SMYD3: variants seen among roughly 807,000 people sequenced by gnomAD.
The protein encoded by SMYD3 is histone-lysine N-methyltransferase SMYD3.
Under a neutral mutation model 57.7 loss-of-function variants are expected in SMYD3, and 36 were observed. That is an observed-to-expected ratio of 0.62 (90% CI 0.48 to 0.82). SMYD3 has a LOEUF of 0.82. Among genes scored for constraint, SMYD3 ranks in the 40% least tolerant of loss-of-function variants. SMYD3 has a pLI of 0.00. For synonymous variants in SMYD3, 211 were observed against 195.0 expected (o/e 1.08, Z -0.68); for missense variants, 515 against 538.8 (o/e 0.96, Z 0.44).
At chr1:246,041,377 C>T (rs1245955220) in intron 5 of SMYD3, among the ~76,000 whole-genome samples, 4 of 152,280 alleles carry the variant, frequency 2.6e-5, no homozygotes, top group South Asian at 2.1e-4. Context: ...CTCCTCAGTG[C>T]GGACTTCAAA....
intron 5 of SMYD3, among the ~76,000 whole-genome samples, chr1:246,124,969 G>A (rs1400426014): frequency 1.3e-5 from 2 of 152,066 alleles, no homozygotes; most frequent in Non-Finnish European, 2.9e-5. Context: ...CTACTGGGAA[G>A]GCTGAGGCAG....
At chr1:245,840,453 A>G (rs2050342705) in intron 10 of SMYD3, among the ~76,000 whole-genome samples, 1 of 152,204 alleles carries the variant, frequency 6.6e-6, no homozygotes, top group South Asian at 2.1e-4. Flanking sequence ...GAACAAGAGT[A>G]CTAAATCTCA....
intron 1 of SMYD3, among the ~76,000 whole-genome samples, chr1:246,472,602 G>C (rs1257137803): frequency 6.6e-6 from 1 of 151,714 alleles, no homozygotes; most frequent in Non-Finnish European, 1.5e-5. Context: ...AACTTAGCTG[G>C]GCATGCTGGC....
At position 245,934,723 on chromosome 1, in the gene SMYD3, C is replaced by T. The variant is rs189582354; in HGVS notation, c.532-4786G>A. Among the ~76,000 whole-genome samples, 192 of 151,938 alleles carry T rather than the reference C, an allele frequency of 1.3e-3. 2 individuals are homozygous for T. The highest frequency in any genetic ancestry group is 4.3e-3 in the African/African-American group (180 of 41,408). The stretch of plus-strand genomic sequence containing the variant: ...CCACAAAGTGTTACCGGAAGGTTTA[C>T]GAGAGTACAGGTGATTTCGGCATCT... On this transcript the variant is annotated intron_variant, in intron 5 of 11. Coordinates refer to ENST00000490107, the MANE Select transcript of SMYD3 (RefSeq NM_001167740.2).
chr1:245,758,922 G>T (rs78835529), intron 11 of SMYD3, among the ~76,000 whole-genome samples: 4,514 of 152,276 alleles, frequency 0.03, 191 homozygotes, highest in Admixed American at 0.11. Context: ...ATGAGACTCT[G>T]AATTTTACCT....
chr1:245,968,849 G>T (rs1375948694), intron 5 of SMYD3, among the ~76,000 whole-genome samples: 1 of 152,098 alleles, frequency 6.6e-6, no homozygotes, highest in Non-Finnish European at 1.5e-5. Flanking sequence ...TCTTTCTCCT[G>T]TGCCGTTCAT....
At chr1:246,290,406 T>C (rs2064666509) in intron 5 of SMYD3, among the ~76,000 whole-genome samples, 1 of 152,206 alleles carries the variant, frequency 6.6e-6, no homozygotes, top group South Asian at 2.1e-4. Flanking sequence ...AGATATATGG[T>C]TAATTTCTTA....
rs892228058 is a variant in SMYD3 at position 246,355,278 on chromosome 1, C to T, written c.165-184G>A. 3 of 578,138 alleles carry T rather than the reference C, an allele frequency of 5.2e-6. No individual in the cohort carries two copies. Among genetic ancestry groups the T allele is most frequent in the African/African-American group, 3.8e-5 (2 of 51,998 alleles). 35.8% of individuals were successfully genotyped at this position (578,138 alleles called of 1,614,324 possible). A position where few individuals can be genotyped will look rare whatever the true frequency, so the allele number is the denominator to read the frequency against. On this transcript the variant is annotated intron_variant, in intron 1 of 11. Coordinates refer to ENST00000490107, the MANE Select transcript of SMYD3 (RefSeq NM_001167740.2). The surrounding 1 kb of genome is among the most constrained non-coding windows in gnomAD (Gnocchi z 5.0). ...CCTCTTGAACCTTCCATGTGAGACACTGATAGAAAAACTAAGTCCTTTTGT... is the reference window on the plus strand; with the variant it reads ...CCTCTTGAACCTTCCATGTGAGACATTGATAGAAAAACTAAGTCCTTTTGT...
chr1:246,050,762 G>A (rs1473937961), intron 5 of SMYD3, among the ~76,000 whole-genome samples: 3 of 152,154 alleles, frequency 2.0e-5, no homozygotes, highest in African/African-American at 7.2e-5. Context: ...TAAACAAGCT[G>A]GGAGGTAGCG....
intron 1 of SMYD3, among the ~76,000 whole-genome samples, chr1:246,376,446 C>T (rs1336544281): frequency 6.6e-6 from 1 of 151,416 alleles, no homozygotes; most frequent in Non-Finnish European, 1.5e-5. Flanking sequence ...CAAAAATTAG[C>T]CAGGCGTGGT....
intron 3 of SMYD3, among the ~76,000 whole-genome samples, chr1:246,335,111 T>G (rs1262419849): frequency 1.3e-5 from 2 of 152,206 alleles, no homozygotes; most frequent in East Asian, 3.8e-4. Context: ...TAGAAATATA[T>G]TTTTTAATTA....
intron 1 of SMYD3, among the ~76,000 whole-genome samples, chr1:246,361,831 C>T (rs1453434603): frequency 2.0e-5 from 3 of 152,144 alleles, no homozygotes; most frequent in Admixed American, 6.5e-5. Context: ...AAAGACTACA[C>T]ATTGGGTACA....
intron 5 of SMYD3, among the ~76,000 whole-genome samples, chr1:245,948,052 C>T (rs144160745): frequency 4.6e-5 from 7 of 152,240 alleles, no homozygotes; most frequent in East Asian, 3.9e-4. Context: ...CCTGCCTAGC[C>T]GGTTTCGCCA....
intron 1 of SMYD3, among the ~76,000 whole-genome samples, chr1:246,500,458 C>A (rs1157150578): frequency 6.6e-6 from 1 of 152,176 alleles, no homozygotes; most frequent in Non-Finnish European, 1.5e-5. Flanking sequence ...GTATTACACA[C>A]AGGGAAGACA....
intron 1 of SMYD3, among the ~76,000 whole-genome samples, chr1:246,426,801 G>T (rs1160676642): frequency 1.3e-5 from 2 of 152,006 alleles, no homozygotes; most frequent in Non-Finnish European, 2.9e-5. Flanking sequence ...AAAATCATAT[G>T]TTTCTATATA....
chr1:246,231,665 A>C (rs1487105667), intron 5 of SMYD3, among the ~76,000 whole-genome samples: 1 of 152,170 alleles, frequency 6.6e-6, no homozygotes, highest in Non-Finnish European at 1.5e-5. Context: ...TACATTTCAA[A>C]ACTGCTTTAA....
At chr1:245,935,917 C>T (rs568995311) in intron 5 of SMYD3, among the ~76,000 whole-genome samples, 2 of 152,262 alleles carry the variant, frequency 1.3e-5, no homozygotes, top group South Asian at 4.1e-4. Flanking sequence ...TCAAAGGGTG[C>T]AAAGTTTCAC....
chr1:246,198,857 CAG>C (rs1214346351), intron 5 of SMYD3, among the ~76,000 whole-genome samples: 1 of 152,126 alleles, frequency 6.6e-6, no homozygotes, highest in Non-Finnish European at 1.5e-5. Context: ...AGTAAATAAA[CAG>C]ATGCAATTAA....
intron 5 of SMYD3, among the ~76,000 whole-genome samples, chr1:246,042,296 A>G (rs991038603): frequency 6.6e-6 from 1 of 152,198 alleles, no homozygotes; most frequent in Non-Finnish European, 1.5e-5. Context: ...AAGAATGGAG[A>G]GAAACTAAGA....
Sources: allele counts gnomAD v4.1 joint callset (sites outside exome capture counted in the v4.1 genomes callset), GRCh38; gene constraint gnomAD v4.1.1; non-coding constraint Gnocchi (gnomAD v3.1); transcripts MANE v1.5; gene names NCBI Gene and HGNC (gene_info 2026-07-23, HGNC 2026-07-21).